The following OMA1 variants were observed in gnomAD, a reference collection of about 807,000 sequenced individuals.
OMA1 encodes the protein OMA1 zinc metallopeptidase.
In OMA1, 38 loss-of-function variants were observed where a neutral mutation model predicts 30.9. The ratio of observed to expected loss-of-function variants is 1.23; its 90% CI spans 0.95 to 1.61. The LOEUF (loss-of-function observed/expected upper bound fraction) is 1.61. OMA1 is among the 40% of genes most tolerant of loss of function. OMA1 has a pLI of 0.00. For missense variants in OMA1, 461 were observed against 349.2 expected (o/e 1.32, Z -2.55); for synonymous variants, 173 against 121.9 (o/e 1.42, Z -2.76).
At chr1:58,521,273 A>C (rs1035470078) in intron 7 of OMA1, among the ~76,000 whole-genome samples, 2 of 152,126 alleles carry the variant, frequency 1.3e-5, no homozygotes, top group African/African-American at 4.8e-5. Context: ...CCCTTGCAAC[A>C]TGACAAGTAA....
At chr1:58,487,297 C>T (rs1645592536) in intron 8 of OMA1, among the ~76,000 whole-genome samples, 1 of 152,182 alleles carries the variant, frequency 6.6e-6, no homozygotes, top group African/African-American at 2.4e-5. Context: ...TAAATTTCCT[C>T]TTCTGTTTTA....
chr1:58,538,941 A>G lies in OMA1; in HGVS notation c.354T>C (p.Ser118=), dbSNP rs771658367. 1 of 872,912 alleles carries G rather than the reference A, an allele frequency of 1.1e-6. No individual in the cohort carries two copies. The highest frequency in any genetic ancestry group is 2.0e-6 in the Non-Finnish European group (1 of 501,640). The allele number at this position is 872,912 out of a possible 1,614,324, so 54.1% of individuals were successfully genotyped here. ...GGCTTAGAGGATGCAATACTGACAG[A>G]CTAGGGACTGCTGTAACTTCTTTTA... is the stretch of plus-strand genomic sequence containing the variant. The part of the protein sequence containing the change: ...LLIKEVTAVP[S]LSVLHPLSPA... The change falls in exon 2 of 9, where the codon AGT becomes AGC. Residue 118 remains serine, a synonymous_variant. Coordinates refer to ENST00000371226, the MANE Select transcript of OMA1 (RefSeq NM_145243.5).
At chr1:58,544,902 T>C in intron 1 of OMA1, among the ~76,000 whole-genome samples, 1 of 152,188 alleles carries the variant, frequency 6.6e-6, no homozygotes, top group East Asian at 1.9e-4. Flanking sequence ...CCAGCCCAGC[T>C]AATTTTTTAA....
intron 8 of OMA1, among the ~76,000 whole-genome samples, chr1:58,489,252 C>A (rs1445070287): frequency 3.3e-5 from 5 of 152,148 alleles, no homozygotes; most frequent in African/African-American, 4.8e-5. Flanking sequence ...CCTAATACTG[C>A]AATTTTCCGA....
At chr1:58,513,901 A>C (rs372960717) in intron 7 of OMA1, among the ~76,000 whole-genome samples, 1 of 152,236 alleles carries the variant, frequency 6.6e-6, no homozygotes, top group Non-Finnish European at 1.5e-5. Flanking sequence ...TAAGTGACAG[A>C]GCCATAATTT....
chr1:58,542,303 C>A (rs1178356035), intron 1 of OMA1, among the ~76,000 whole-genome samples: 1 of 152,174 alleles, frequency 6.6e-6, no homozygotes, highest in East Asian at 1.9e-4. Flanking sequence ...GCCTAGAAGT[C>A]ATTTCACAAT....
chr1:58,516,859 C>T (rs1182384259), intron 7 of OMA1, among the ~76,000 whole-genome samples: 1 of 152,168 alleles, frequency 6.6e-6, no homozygotes, highest in Non-Finnish European at 1.5e-5. Flanking sequence ...CCAGCAAGAG[C>T]ACATGCATCT....
In OMA1 at chr1:58,539,275, A is replaced by C; in HGVS notation, c.20T>G (p.Leu7Trp). The C allele has an allele frequency of 1.2e-6, 1 of 853,056 alleles. No individual in the cohort carries two copies. Among genetic ancestry groups the C allele is most frequent in the Non-Finnish European group, 2.0e-6 (1 of 495,238 alleles). The allele number at this position is 853,056 out of a possible 1,614,324, so 52.8% of individuals were successfully genotyped here. ...AACATGGTTTCTAGCAGCAGACTGC[A>C]ATCCACAGATGAAGCTCATTTTTTC... is the stretch of plus-strand genomic sequence containing the variant. MSFICG[L>W]QSAARNHVFF... The change falls in exon 2 of 9, where the codon TTG becomes TGG. Residue 7 changes from leucine to tryptophan, a missense_variant. Physicochemically the swap from Leu to Trp is moderately conservative, Grantham distance 61. Coordinates refer to ENST00000371226, the MANE Select transcript of OMA1 (RefSeq NM_145243.5).
chr1:58,506,770 A>G (rs1004551007), intron 7 of OMA1, among the ~76,000 whole-genome samples: 1 of 152,188 alleles, frequency 6.6e-6, no homozygotes, highest in African/African-American at 2.4e-5. Flanking sequence ...ACTTCAAATA[A>G]ACATAAAGAG....
rs79727968 is a variant in OMA1 at position 58,538,328 on chromosome 1, T to C, written c.500+467A>G. 3.6e-4 allele frequency among the ~76,000 whole-genome samples: 55 copies of C among 152,312 alleles called. 2 individuals are homozygous for C. The highest frequency in any genetic ancestry group is 1.1e-3 in the African/African-American group (47 of 41,588). On this transcript the variant is annotated intron_variant, in intron 2 of 8. Coordinates refer to ENST00000371226, the MANE Select transcript of OMA1 (RefSeq NM_145243.5). ...AAGCATTAATGACTTAAGAGTTAAC[T>C]AGGAGTGAGCCCACCCTTATATAAG...
At chr1:58,542,000 G>C (rs936725781) in intron 1 of OMA1, among the ~76,000 whole-genome samples, 1 of 152,138 alleles carries the variant, frequency 6.6e-6, no homozygotes, top group Non-Finnish European at 1.5e-5. Flanking sequence ...ATATTATCTA[G>C]AAAGATGCTC....
intron 8 of OMA1, among the ~76,000 whole-genome samples, chr1:58,501,740 T>A (rs1026735687): frequency 2.6e-5 from 4 of 152,190 alleles, no homozygotes; most frequent in African/African-American, 7.2e-5. Context: ...AACTGTGTGC[T>A]AAGGACTCAT....
intron 8 of OMA1, among the ~76,000 whole-genome samples, chr1:58,482,202 A>G (rs2100350694): frequency 6.6e-6 from 1 of 152,336 alleles, no homozygotes; most frequent in Non-Finnish European, 1.5e-5. Flanking sequence ...AGGGTGTGAC[A>G]CTGGAAAGAG....
chr1:58,517,026 T>C (rs1280980586), intron 7 of OMA1, among the ~76,000 whole-genome samples: 7 of 152,180 alleles, frequency 4.6e-5, no homozygotes, highest in African/African-American at 2.4e-5. Flanking sequence ...GGGAGTCTGA[T>C]GCATCAAGGT....
chr1:58,539,970 C>T (rs1341315507), intron 1 of OMA1, among the ~76,000 whole-genome samples: 1 of 152,082 alleles, frequency 6.6e-6, no homozygotes, highest in African/African-American at 2.4e-5. Flanking sequence ...CAGAGAATCC[C>T]CCTCCCATAT....
intron 8 of OMA1, among the ~76,000 whole-genome samples, chr1:58,484,453 T>A (rs1302420844): frequency 6.6e-6 from 1 of 152,212 alleles, no homozygotes; most frequent in African/African-American, 2.4e-5. Flanking sequence ...AATACAGGCA[T>A]ACTTGAGTTA....
chr1:58,527,025 A>T (rs1225198490), intron 7 of OMA1, among the ~76,000 whole-genome samples: 2 of 152,158 alleles, frequency 1.3e-5, no homozygotes, highest in African/African-American at 4.8e-5. Flanking sequence ...CTATAATCTT[A>T]TGGATTCTGT....
chr1:58,494,685 C>T (rs1316265156), intron 8 of OMA1, among the ~76,000 whole-genome samples: 8 of 152,062 alleles, frequency 5.3e-5, no homozygotes, highest in South Asian at 2.1e-4. Context: ...TCATCACTGG[C>T]CATCAGAGAA....
At chr1:58,511,942 A>T (rs1344095758) in intron 7 of OMA1, among the ~76,000 whole-genome samples, 2 of 152,190 alleles carry the variant, frequency 1.3e-5, no homozygotes, top group Non-Finnish European at 1.5e-5. Flanking sequence ...AAAGCTCTGC[A>T]CAGCTAAGGA....
Sources: gnomAD v4.1 joint callset for allele counts (sites outside exome capture counted in the v4.1 genomes callset) on GRCh38, gnomAD v4.1.1 for gene constraint, MANE v1.5 for transcripts, NCBI Gene and HGNC (gene_info 2026-07-23, HGNC 2026-07-21) for gene names.